The following NAV3 variants were observed in gnomAD, a reference collection of about 807,000 sequenced individuals.
The protein encoded by NAV3 is neuron navigator 3.
Under a neutral mutation model 244.7 loss-of-function variants are expected in NAV3, and 87 were observed. The ratio of observed to expected loss-of-function variants is 0.36; its 90% CI spans 0.30 to 0.42. The LOEUF is 0.42. Among genes scored for constraint, NAV3 ranks in the 20% least tolerant of loss-of-function variants. The probability of loss-of-function intolerance (pLI) is 1.00; values close to 1 mark genes in which losing one functional copy is unlikely to be tolerated. For missense variants in NAV3, 2,663 were observed against 2,893.3 expected (o/e 0.92, Z 1.83); for synonymous variants, 1,126 against 1,042.2 (o/e 1.08, Z -1.55).
intron 1 of NAV3, among the ~76,000 whole-genome samples, chr12:77,935,003 G>A (rs372632493): frequency 7.9e-5 from 12 of 151,988 alleles, no homozygotes; most frequent in African/African-American, 2.4e-4. Flanking sequence ...CTACTTCTTC[G>A]ATTATTTAGG....
At chr12:78,006,036 C>T (rs970938623) in intron 7 of NAV3, among the ~76,000 whole-genome samples, 10 of 152,026 alleles carry the variant, frequency 6.6e-5, no homozygotes, top group African/African-American at 2.4e-4. Flanking sequence ...TTTTATAGGG[C>T]AAGGTGGAAT....
intron 2 of NAV3, among the ~76,000 whole-genome samples, chr12:77,738,879 G>C (rs1868274926): frequency 6.6e-6 from 1 of 152,016 alleles, no homozygotes; most frequent in Non-Finnish European, 1.5e-5. Flanking sequence ...GGGCTTGGGG[G>C]CGGGCGCCTG....
At chr12:77,910,427 T>A (rs958630879) in intron 1 of NAV3, among the ~76,000 whole-genome samples, 36 of 152,170 alleles carry the variant, frequency 2.4e-4, no homozygotes, top group African/African-American at 8.7e-4. Context: ...TAGGGATATG[T>A]CCCCGTGACC....
chr12:78,170,188 A>G (rs1260519636), intron 24 of NAV3, among the ~76,000 whole-genome samples: 1 of 151,638 alleles, frequency 6.6e-6, no homozygotes, highest in Non-Finnish European at 1.5e-5. Flanking sequence ...TCTTAAACCT[A>G]ACTTCTCCAA....
chr12:77,852,273 G>A (rs1047435680), intron 1 of NAV3, among the ~76,000 whole-genome samples: 3 of 152,180 alleles, frequency 2.0e-5, no homozygotes, highest in East Asian at 3.9e-4. Context: ...AGTGGCTCAC[G>A]CCTGCAATCC....
At chr12:77,574,169 T>G (rs1262668717) in intron 2 of NAV3, among the ~76,000 whole-genome samples, 3 of 152,160 alleles carry the variant, frequency 2.0e-5, no homozygotes, top group Non-Finnish European at 2.9e-5. Flanking sequence ...GAGGAATGAA[T>G]GTTTTCAATG....
At chr12:77,667,018 G>T (rs1250775469) in intron 2 of NAV3, among the ~76,000 whole-genome samples, 1 of 152,092 alleles carries the variant, frequency 6.6e-6, no homozygotes, top group Non-Finnish European at 1.5e-5. Flanking sequence ...AGATTTATCA[G>T]TCCCATGTCC....
At chr12:78,136,835 A>G (rs1038363458) in intron 18 of NAV3, among the ~76,000 whole-genome samples, 14 of 152,286 alleles carry the variant, frequency 9.2e-5, no homozygotes, top group Non-Finnish European at 2.1e-4. Context: ...ATTTTTAAAG[A>G]GAAAACCGAA....
At chr12:77,657,096 T>A (rs1204662622) in intron 2 of NAV3, among the ~76,000 whole-genome samples, 1 of 151,670 alleles carries the variant, frequency 6.6e-6, no homozygotes, top group Non-Finnish European at 1.5e-5. Flanking sequence ...GGGGCAGAAA[T>A]AACTAAAATC....
At chr12:77,786,780 G>GA (rs1203232805) in intron 2 of NAV3, among the ~76,000 whole-genome samples, 1 of 151,884 alleles carries the variant, frequency 6.6e-6, no homozygotes, top group African/African-American at 2.4e-5. Flanking sequence ...TGACTACTTG[G>GA]AATCTCTCTT....
intron 7 of NAV3, among the ~76,000 whole-genome samples, chr12:78,005,103 C>T (rs985236851): frequency 3.3e-5 from 5 of 152,088 alleles, no homozygotes; most frequent in Admixed American, 6.6e-5. Flanking sequence ...CTACCCTCTC[C>T]GATCAACCCC....
intron 2 of NAV3, among the ~76,000 whole-genome samples, chr12:77,585,803 A>G (rs1869579488): frequency 6.6e-6 from 1 of 152,170 alleles, no homozygotes; most frequent in Non-Finnish European, 1.5e-5. Context: ...CACCCTTGAT[A>G]TAAAGTATAT....
At chr12:77,649,312 G>A (rs187554656) in intron 2 of NAV3, among the ~76,000 whole-genome samples, 84 of 152,140 alleles carry the variant, frequency 5.5e-4, no homozygotes, top group South Asian at 1.0e-3. Context: ...TAGTATTTGC[G>A]TATTTCTATT....
At chr12:77,886,760 C>A (rs1242296) in intron 1 of NAV3, among the ~76,000 whole-genome samples, 40,129 of 151,914 alleles carry the variant, frequency 0.26, 5,432 homozygotes, top group Middle Eastern at 0.35. Flanking sequence ...ACATAAATAT[C>A]TAGAACAGTG....
intron 38 of NAV3, among the ~76,000 whole-genome samples, chr12:78,203,487 C>A (rs1959953187): frequency 1.3e-5 from 2 of 152,070 alleles, no homozygotes; most frequent in South Asian, 4.1e-4. Context: ...GTTACCATCT[C>A]CTAAGGAAAT....
chr12:77,744,068 CAA>C (rs1198797045), intron 2 of NAV3, among the ~76,000 whole-genome samples: 1 of 151,724 alleles, frequency 6.6e-6, no homozygotes, highest in East Asian at 1.9e-4. Flanking sequence ...TTGTAAAAAT[CAA>C]CAAAAATTAT....
intron 2 of NAV3, among the ~76,000 whole-genome samples, chr12:77,743,734 A>G (rs1445449506): frequency 1.3e-5 from 2 of 151,910 alleles, no homozygotes; most frequent in African/African-American, 4.8e-5. Flanking sequence ...CCATATGTAT[A>G]TTATAATAAA....
rs58707302 is a variant in NAV3 at position 77,770,144 on chromosome 12, AT to A, written c.73-170165del. On this transcript the variant is annotated intron_variant, in intron 2 of 8. Transcript: ENST00000550042. ...CAGAGTGCTTGGGGCTAGAGATCCA[AT>A]TTTTTTTTTCCCCCAGTGCTGTTAA... is the stretch of plus-strand genomic sequence containing the variant. Among the ~76,000 whole-genome samples the A allele has an allele frequency of 6.2e-3, 927 of 150,142 alleles. 9 individuals are homozygous for A. Among genetic ancestry groups the A allele is most frequent in the African/African-American group, 0.02 (818 of 41,022 alleles).
intron 2 of NAV3, among the ~76,000 whole-genome samples, chr12:77,789,608 A>G (rs906918959): frequency 6.6e-6 from 1 of 151,900 alleles, no homozygotes; most frequent in Non-Finnish European, 1.5e-5. Context: ...TCAGGAGTTC[A>G]AGACCAGCCT....
Sources: gnomAD v4.1 joint callset for allele counts (sites outside exome capture counted in the v4.1 genomes callset) on GRCh38, gnomAD v4.1.1 for gene constraint, MANE v1.5 for transcripts, NCBI Gene and HGNC (gene_info 2026-07-23, HGNC 2026-07-21) for gene names.